Variants in ARID1B observed in about 807,000 individuals in gnomAD.
The protein encoded by ARID1B is AT-rich interactive domain-containing protein 1B.
A neutral mutation model predicts 212.3 loss-of-function variants in ARID1B; 30 were observed. The ratio of observed to expected loss-of-function variants is 0.14; its 90% CI spans 0.11 to 0.19. The LOEUF (loss-of-function observed/expected upper bound fraction) is 0.19, where lower values mean the gene tolerates loss of function less well. Ranked by LOEUF, ARID1B falls within the 10% of genes least tolerant of loss-of-function variation. The pLI, the probability that ARID1B is intolerant of heterozygous loss-of-function variation, is 1.00. For synonymous variants in ARID1B, 1,402 were observed against 1,301.7 expected (o/e 1.08, Z -1.66); for missense variants, 2,891 against 3,204.0 (o/e 0.90, Z 2.36).
chr6:157,090,979 T>A (rs1785242111), intron 5 of ARID1B, among the ~76,000 whole-genome samples: 1 of 151,618 alleles, frequency 6.6e-6, no homozygotes, highest in Admixed American at 6.6e-5. Flanking sequence ...TGGGGTAGCC[T>A]CTTCCAGGAG....
At chr6:156,851,560 G>A (rs1417086347) in intron 2 of ARID1B, among the ~76,000 whole-genome samples, 2 of 152,186 alleles carry the variant, frequency 1.3e-5, no homozygotes, top group African/African-American at 2.4e-5. Flanking sequence ...GACCTGGCCT[G>A]TCTTTCACTT....
At chr6:156,859,043 G>T (rs1213733901) in intron 2 of ARID1B, among the ~76,000 whole-genome samples, 3 of 152,116 alleles carry the variant, frequency 2.0e-5, no homozygotes, top group African/African-American at 7.2e-5. Context: ...TTTTTTAAAT[G>T]ATTATGCTAC....
intron 4 of ARID1B, among the ~76,000 whole-genome samples, chr6:157,017,480 A>G (rs926360774): frequency 3.8e-4 from 58 of 152,214 alleles, no homozygotes; most frequent in African/African-American, 1.4e-3. Context: ...TTAAATGACT[A>G]TTAGATTTTA....
At chr6:156,839,378 G>A (rs752962365) in intron 2 of ARID1B, among the ~76,000 whole-genome samples, 7 of 152,162 alleles carry the variant, frequency 4.6e-5, no homozygotes, top group Non-Finnish European at 8.8e-5. Flanking sequence ...GAGTCCCATT[G>A]TAGGGAACCT....
rs993399449 is a variant in ARID1B, at chr6:157,020,870, C to G, written c.2248-63792C>G. 3.3e-5 allele frequency among the ~76,000 whole-genome samples: 5 copies of G among 152,276 alleles called. No homozygotes were observed. In the East Asian group the frequency reaches 7.7e-4, roughly 23 times the overall value. On this transcript the variant is annotated intron_variant, in intron 4 of 19. Transcript: ENST00000636930. ...TCTACTTGAGTCCTTAATTTTCTTA[C>G]AAAAAGTAACCTGGAACTTATGGCT...
chr6:156,979,775 C>G (rs1431129049), intron 4 of ARID1B, among the ~76,000 whole-genome samples: 1 of 152,200 alleles, frequency 6.6e-6, no homozygotes, highest in East Asian at 1.9e-4. Context: ...CCAGGATGAT[C>G]TCTATCTCTT....
intron 4 of ARID1B, chr6:157,071,861 T>C (rs548552214): frequency 2.0e-5 from 3 of 152,338 alleles, no homozygotes; most frequent in South Asian, 2.1e-4. Flanking sequence ...GGGGCTGTTA[T>C]TATCAAAAGG....
At chr6:157,049,548 T>C (rs749653800) in intron 4 of ARID1B, among the ~76,000 whole-genome samples, 1 of 152,242 alleles carries the variant, frequency 6.6e-6, no homozygotes, top group Non-Finnish European at 1.5e-5. Flanking sequence ...AGAAGCCATG[T>C]ACATTTTTAT....
intron 1 of ARID1B, among the ~76,000 whole-genome samples, chr6:156,792,368 C>T (rs1780070924): frequency 6.6e-6 from 1 of 152,148 alleles, no homozygotes; most frequent in Admixed American, 6.5e-5. Flanking sequence ...CTTTGGGAAG[C>T]TGAGGTAGGA....
chr6:156,878,884 TTGAC>T (rs2128162281), intron 2 of ARID1B, among the ~76,000 whole-genome samples: 1 of 152,358 alleles, frequency 6.6e-6, no homozygotes, highest in South Asian at 2.1e-4. Context: ...TGCATCGTGA[TTGAC>T]CATTTAGGAA....
intron 6 of ARID1B, among the ~76,000 whole-genome samples, chr6:157,123,890 G>A (rs1787949842): frequency 6.6e-6 from 1 of 152,246 alleles, no homozygotes; most frequent in Admixed American, 6.5e-5. Flanking sequence ...CTACTAACGT[G>A]CCCACAGCTG....
intron 8 of ARID1B, among the ~76,000 whole-genome samples, chr6:157,161,591 T>C (rs1790951758): frequency 6.6e-6 from 1 of 152,152 alleles, no homozygotes; most frequent in Admixed American, 6.5e-5. Context: ...TCACCAGTGA[T>C]GCTAGATACA....
rs1779103939 is a variant in ARID1B, at chr6:157,004,703, C to T, written c.2247+69127C>T. 3.9e-5 allele frequency among the ~76,000 whole-genome samples: 6 copies of T among 152,070 alleles called. No homozygotes were observed. In the South Asian group the frequency reaches 1.2e-3, roughly 31 times the overall value. ...GGCTGTGTTCACCACTTGCGCTTCC[C>T]TTGAGGCTGGAGTGATTTTATTGCC... On this transcript the variant is annotated intron_variant, in intron 4 of 19. Coordinates refer to ENST00000636930, the MANE Select transcript of ARID1B (RefSeq NM_001374828.1).
intron 9 of ARID1B, among the ~76,000 whole-genome samples, chr6:157,171,115 A>G (rs1336135504): frequency 6.6e-6 from 1 of 152,236 alleles, no homozygotes; most frequent in Non-Finnish European, 1.5e-5. Context: ...GGTTTGACTC[A>G]TGTCATGTGT....
chr6:156,881,205 A>G (rs1787061374), intron 2 of ARID1B, among the ~76,000 whole-genome samples: 1 of 152,200 alleles, frequency 6.6e-6, no homozygotes, highest in South Asian at 2.1e-4. Context: ...AACCTGAGAA[A>G]GCTGATTTCT....
intron 2 of ARID1B, among the ~76,000 whole-genome samples, chr6:156,856,302 C>T (rs1455021623): frequency 6.6e-6 from 1 of 152,160 alleles, no homozygotes; most frequent in Non-Finnish European, 1.5e-5. Context: ...GACCATATAG[C>T]CTATGCTTTT....
chr6:157,044,552 A>G (rs912926465), intron 4 of ARID1B, among the ~76,000 whole-genome samples: 4 of 152,180 alleles, frequency 2.6e-5, no homozygotes, highest in Non-Finnish European at 5.9e-5. Context: ...AAAAAGCGGG[A>G]GGTTCACTTG....
chr6:156,807,099 G>A (rs1395068561), intron 1 of ARID1B, among the ~76,000 whole-genome samples: 4 of 152,112 alleles, frequency 2.6e-5, no homozygotes, highest in South Asian at 2.1e-4. Flanking sequence ...CCTGGACAGC[G>A]TGCGTTTTTC....
intron 2 of ARID1B, among the ~76,000 whole-genome samples, chr6:156,856,719 C>T: frequency 6.8e-6 from 1 of 147,488 alleles, no homozygotes; most frequent in Non-Finnish European, 1.5e-5. Context: ...CACACACACA[C>T]ACACACACAC....
Sources: gnomAD v4.1 joint callset for allele counts (sites outside exome capture counted in the v4.1 genomes callset) on GRCh38, gnomAD v4.1.1 for gene constraint, MANE v1.5 for transcripts, NCBI Gene and HGNC (gene_info 2026-07-23, HGNC 2026-07-21) for gene names.